Variants in GABPB2 observed in about 807,000 individuals in gnomAD.
The protein encoded by GABPB2 is GA-binding protein subunit beta-2.
In GABPB2, 23 loss-of-function variants were observed where a neutral mutation model predicts 39.1. That is an observed-to-expected ratio of 0.59 (90% confidence interval 0.42 to 0.83). GABPB2 has a LOEUF of 0.83. Ranked by LOEUF, GABPB2 falls within the 40% of genes least tolerant of loss-of-function variation. The probability of loss-of-function intolerance (pLI) is 0.00; values close to 1 mark genes in which losing one functional copy is unlikely to be tolerated. For missense variants in GABPB2, 467 were observed against 541.1 expected, an observed-to-expected ratio of 0.86 and a Z score of 1.36; for synonymous variants, 184 against 199.3, an observed-to-expected ratio of 0.92 and a Z score of 0.65.
chr1:151,106,014 T>C (rs867517658), intron 6 of GABPB2, among the ~76,000 whole-genome samples: 14 of 151,534 alleles, frequency 9.2e-5, no homozygotes, highest in African/African-American at 3.2e-4. Flanking sequence ...CAGGCTGGAG[T>C]GCAATGGCGT....
intron 1 of GABPB2, among the ~76,000 whole-genome samples, chr1:151,071,601 C>G (rs1676728684): frequency 2.0e-5 from 3 of 152,138 alleles, no homozygotes; most frequent in Non-Finnish European, 2.9e-5. Flanking sequence ...TCCCGAGTAG[C>G]TGGGATTACA....
intron 7 of GABPB2, among the ~76,000 whole-genome samples, chr1:151,109,298 TTATATATA>T (rs33932552): frequency 7.2e-6 from 1 of 139,500 alleles, no homozygotes; most frequent in East Asian, 2.0e-4. Flanking sequence ...TTGTGGGGAT[TTATATATA>T]TATATATATA....
intron 1 of GABPB2, among the ~76,000 whole-genome samples, chr1:151,078,373 C>T (rs1024797973): frequency 4.6e-5 from 7 of 152,056 alleles, no homozygotes; most frequent in Non-Finnish European, 1.0e-4. Context: ...GCGGGCGGAT[C>T]ACGAGTTCAG....
rs1185012558 is a variant in GABPB2 at position 151,117,984 on chromosome 1, C to A, written c.1075C>A (p.Gln359Lys). 6 of 1,613,244 alleles carry A rather than the reference C, an allele frequency of 3.7e-6. No homozygotes were observed. The change falls in exon 9 of 9, where the codon CAA becomes AAA. Residue 359 changes from glutamine (Q) to lysine (K), a missense_variant. Physicochemically the swap from Gln to Lys is moderately conservative, Grantham distance 53. Transcript: ENST00000368918. ...AGGCAATGAAAGAGAGCTACTACAGCAACAACTCCAGGAGGCCAATCGAAG... is the reference window on the plus strand; with the variant it reads ...AGGCAATGAAAGAGAGCTACTACAGAAACAACTCCAGGAGGCCAATCGAAG... ...KEGNERELLQ[Q>K]QLQEANRRAQ...
In GABPB2 at chr1:151,118,108, T is replaced by A; in HGVS notation, c.1199T>A (p.Val400Asp). The A allele has an allele frequency of 6.2e-7, 1 of 1,613,820 alleles. No homozygotes were observed. Among genetic ancestry groups the A allele is most frequent in the East Asian group, 2.2e-5 (1 of 44,860 alleles). ...ATAGCCCGACAGCAGCCCAATGGAG[T>A]TGATTTCACCATGGTTGAAGAGGTG... ...EAIARQQPNG[V>D]DFTMVEEVAE... Residue 400 changes from valine to aspartate, a missense_variant, in exon 9 of 9, where the codon GTT becomes GAT. Coordinates refer to ENST00000368918, the MANE Select transcript of GABPB2 (RefSeq NM_144618.3).
chr1:151,111,860 C>A (rs1182028784), intron 7 of GABPB2: 1 of 149,578 alleles, frequency 6.7e-6, no homozygotes, highest in Admixed American at 6.7e-5. Context: ...GAAGAGCTAA[C>A]ATGGTTTTTA....
rs1405140822 is a variant in GABPB2 at position 151,119,023 on chromosome 1, GAAAT to G, written c.*770_*773del. Reference sequence around the variant, plus strand: ...AGTTCAGATGCTTGTGTAAGAAACTGAAATAAGCTGCGTGTGGTGGCTCACACCT... The same window carrying G: ...AGTTCAGATGCTTGTGTAAGAAACTGAAGCTGCGTGTGGTGGCTCACACCT... On this transcript the variant is annotated 3_prime_UTR_variant, in exon 9 of 9. Transcript: ENST00000368918. The G allele has an allele frequency of 1.3e-5, 2 of 152,162 alleles. No homozygotes were observed. Among genetic ancestry groups the G allele is most frequent in the African/African-American group, 4.8e-5 (2 of 41,432 alleles). The allele number at this position is 152,162 out of a possible 1,614,324, so 9.4% of individuals were successfully genotyped here. A position where few individuals can be genotyped will look rare whatever the true frequency, so the allele number is the denominator to read the frequency against.
chr1:151,082,337 A>G (rs1392021866), intron 1 of GABPB2, among the ~76,000 whole-genome samples: 1 of 149,094 alleles, frequency 6.7e-6, no homozygotes, highest in Non-Finnish European at 1.5e-5. Context: ...TTGGCCTCCC[A>G]AAGTGCTAGG....
In GABPB2 at chr1:151,124,690, C is replaced by T. The variant is rs770014200; in HGVS notation, c.*6434C>T. On this transcript the variant is annotated 3_prime_UTR_variant, in exon 9 of 9. Coordinates refer to ENST00000368918, the MANE Select transcript of GABPB2 (RefSeq NM_144618.3). ...GCTAGAAAAGGAACTTCAGAATGGACTATATGTGATGACCACCTGTATGCA... is the reference window on the plus strand; with the variant it reads ...GCTAGAAAAGGAACTTCAGAATGGATTATATGTGATGACCACCTGTATGCA... The T allele has an allele frequency of 1.3e-5, 2 of 152,088 alleles. No homozygotes were observed. The highest frequency in any genetic ancestry group is 2.9e-5 in the Non-Finnish European group (2 of 68,022). The allele number at this position is 152,088 out of a possible 1,614,324, so 9.4% of individuals were successfully genotyped here. A position where few individuals can be genotyped will look rare whatever the true frequency, so the allele number is the denominator to read the frequency against.
chr1:151,118,534 G>A lies in GABPB2; in HGVS notation c.*278G>A, dbSNP rs1681054994. 6.4e-6 allele frequency: 2 copies of A among 310,964 alleles called. No individual in the cohort carries two copies. Among genetic ancestry groups the A allele is most frequent in the Non-Finnish European group, 1.2e-5 (2 of 170,502 alleles). The allele number at this position is 310,964 out of a possible 1,614,324, so 19.3% of individuals were successfully genotyped here. A position where few individuals can be genotyped will look rare whatever the true frequency, so the allele number is the denominator to read the frequency against. On this transcript the variant is annotated 3_prime_UTR_variant, in exon 9 of 9. Transcript: ENST00000368918. ...GAAGTAAAAGAATACTGCATGTTGT[G>A]GGTTGATTTTTTTTTTTTAAATAAC...
intron 1 of GABPB2, among the ~76,000 whole-genome samples, chr1:151,076,462 T>C (rs587705626): frequency 2.4e-4 from 36 of 152,254 alleles, no homozygotes; most frequent in Admixed American, 1.4e-3. Context: ...CAGAGTCTTA[T>C]TCAGTCACCT....
chr1:151,098,040 A>G, intron 5 of GABPB2, 38 bp downstream of exon 5: 1 of 1,592,372 alleles, frequency 6.3e-7, no homozygotes, highest in Non-Finnish European at 8.6e-7. Flanking sequence ...TTTAGACTCA[A>G]AAAAGAACAG....
intron 1 of GABPB2, among the ~76,000 whole-genome samples, chr1:151,084,435 A>G (rs998810668): frequency 6.6e-6 from 1 of 150,456 alleles, no homozygotes; most frequent in Admixed American, 6.7e-5. Context: ...CATGTTGGTC[A>G]GGCTGGTCTC....
chr1:151,113,717 C>T (rs1680641844), intron 7 of GABPB2, among the ~76,000 whole-genome samples: 1 of 151,996 alleles, frequency 6.6e-6, no homozygotes, highest in Admixed American at 6.6e-5. Context: ...AGGGTTTTGC[C>T]ATGTTGGCCA....
At chr1:151,117,291 A>G (rs888964422) in intron 7 of GABPB2, 101 bp from the exon 8 acceptor site, 2 of 1,294,396 alleles carry the variant, frequency 1.5e-6, no homozygotes, top group East Asian at 4.7e-5. Flanking sequence ...ACTGTACCCA[A>G]CCTAGAATAT....
chr1:151,097,702 C>T, intron 4 of GABPB2, 150 bp from the exon 5 acceptor site: 1 of 643,794 alleles, frequency 1.6e-6, no homozygotes, highest in South Asian at 2.1e-5. Context: ...TTGCCTGAAC[C>T]CAGGAGGTGG....
At chr1:151,086,651 C>T (rs980264106) in intron 1 of GABPB2, among the ~76,000 whole-genome samples, 18 of 146,452 alleles carry the variant, frequency 1.2e-4, no homozygotes, top group Non-Finnish European at 2.1e-4. Flanking sequence ...AGTGTTTAAT[C>T]AGTGAAAGCT....
chr1:151,119,396 C>T lies in GABPB2; in HGVS notation c.*1140C>T, dbSNP rs1681091456. ...GGCCGAGGCGGGCGGATCACGAGGT[C>T]AGATCAAGAACATCCTGGCTAACAC... On this transcript the variant is annotated 3_prime_UTR_variant, in exon 9 of 9. Transcript: ENST00000368918. 6.6e-6 allele frequency: 1 copy of T among 152,162 alleles called. No homozygotes were observed. Among genetic ancestry groups the T allele is most frequent in the African/African-American group, 2.4e-5 (1 of 41,382 alleles). The allele number at this position is 152,162 out of a possible 1,614,324, so 9.4% of individuals were successfully genotyped here. A position where few individuals can be genotyped will look rare whatever the true frequency, so the allele number is the denominator to read the frequency against.
At chr1:151,105,930 A>G (rs1679930027) in intron 6 of GABPB2, among the ~76,000 whole-genome samples, 1 of 152,066 alleles carries the variant, frequency 6.6e-6, no homozygotes, top group African/African-American at 2.4e-5. Flanking sequence ...GTTTTCTTAT[A>G]GAAATGATCT....
Sources: gnomAD v4.1 joint callset for allele counts (sites outside exome capture counted in the v4.1 genomes callset) on GRCh38, gnomAD v4.1.1 for gene constraint, MANE v1.5 for transcripts, NCBI Gene and HGNC (gene_info 2026-07-23, HGNC 2026-07-21) for gene names.